Variants in COG5 observed in about 807,000 individuals in gnomAD.
The protein encoded by COG5 is conserved oligomeric Golgi complex subunit 5.
Under a neutral mutation model 110.4 loss-of-function variants are expected in COG5, and 86 were observed. The ratio of observed to expected loss-of-function variants is 0.78; its 90% confidence interval spans 0.65 to 0.93. The LOEUF (loss-of-function observed/expected upper bound fraction) is 0.93. Ranked by LOEUF, COG5 falls within the 40% of genes least tolerant of loss-of-function variation. The pLI is 0.00. For synonymous variants in COG5, 360 were observed against 334.6 expected (o/e 1.08, Z -0.83); for missense variants, 1,077 against 987.0 (o/e 1.09, Z -1.22).
At chr7:107,248,203 G>A (rs1802196002) in intron 17 of COG5, among the ~76,000 whole-genome samples, 193 bp downstream of exon 17, 1 of 151,990 alleles carries the variant, frequency 6.6e-6, no homozygotes, top group African/African-American at 2.4e-5. Context: ...GAGAAGTGAT[G>A]AAAACGAGAA....
At chr7:107,326,537 C>G (rs1334665430) in intron 10 of COG5, among the ~76,000 whole-genome samples, 3 of 152,022 alleles carry the variant, frequency 2.0e-5, no homozygotes, top group African/African-American at 7.2e-5. Flanking sequence ...ATGAAGAAAA[C>G]TACCCTACTT....
At chr7:107,479,715 G>C (rs1305836616) in intron 6 of COG5, among the ~76,000 whole-genome samples, 6 of 152,064 alleles carry the variant, frequency 3.9e-5, no homozygotes, top group Admixed American at 6.6e-5. Flanking sequence ...AGAATATCTG[G>C]CAAGGCGGAA....
intron 11 of COG5, among the ~76,000 whole-genome samples, chr7:107,315,602 C>T (rs1025649839): frequency 2.0e-5 from 3 of 150,914 alleles, no homozygotes; most frequent in Admixed American, 6.6e-5. Context: ...CATGTATAAT[C>T]AGAAAGAACA....
chr7:107,433,429 A>G (rs534161821), intron 6 of COG5, among the ~76,000 whole-genome samples: 4 of 152,218 alleles, frequency 2.6e-5, no homozygotes, highest in Non-Finnish European at 4.4e-5. Context: ...GCTTCAAAAC[A>G]TATTACAAAG....
At chr7:107,461,913 C>T (rs1268914622) in intron 6 of COG5, among the ~76,000 whole-genome samples, 7 of 152,062 alleles carry the variant, frequency 4.6e-5, no homozygotes, top group Non-Finnish European at 1.0e-4. Flanking sequence ...GAGAAATATA[C>T]CATGTTTAAA....
At chr7:107,476,645 TC>T (rs943109286) in intron 6 of COG5, among the ~76,000 whole-genome samples, 1 of 151,726 alleles carries the variant, frequency 6.6e-6, no homozygotes, top group Admixed American at 6.6e-5. Context: ...AATGTAATAA[TC>T]TATCGATAAG....
intron 17 of COG5, among the ~76,000 whole-genome samples, chr7:107,238,050 G>T (rs1458288032): frequency 2.6e-5 from 4 of 152,100 alleles, no homozygotes; most frequent in Non-Finnish European, 5.9e-5. Flanking sequence ...TATGTATACA[G>T]TGTGGAATGA....
chr7:107,497,599 C>T (rs1798360878), intron 6 of COG5, among the ~76,000 whole-genome samples: 1 of 151,992 alleles, frequency 6.6e-6, no homozygotes, highest in Non-Finnish European at 1.5e-5. Flanking sequence ...AAGTGAAAGA[C>T]CTGTATATTC....
intron 14 of COG5, among the ~76,000 whole-genome samples, chr7:107,263,298 T>C (rs1291840809): frequency 6.6e-6 from 1 of 152,210 alleles, no homozygotes; most frequent in Non-Finnish European, 1.5e-5. Flanking sequence ...CATCTCAAAG[T>C]AGAAGATGCT....
intron 21 of COG5, among the ~76,000 whole-genome samples, chr7:107,206,715 C>T (rs890375556): frequency 1.3e-5 from 2 of 151,036 alleles, no homozygotes; most frequent in Admixed American, 6.6e-5. Flanking sequence ...TAAGACATCA[C>T]GTAAGTTACA....
chr7:107,229,858 G>GA (rs1330049630), intron 19 of COG5, among the ~76,000 whole-genome samples: 5 of 86,190 alleles, frequency 5.8e-5, no homozygotes, highest in Admixed American at 5.5e-4. Flanking sequence ...TTTTTTTTTT[G>GA]TTTTTTTTTT....
intron 12 of COG5, among the ~76,000 whole-genome samples, chr7:107,287,640 T>C (rs1164919529): frequency 6.6e-6 from 1 of 152,186 alleles, no homozygotes; most frequent in Non-Finnish European, 1.5e-5. Flanking sequence ...ACACTCCACC[T>C]TCCTCACTCC....
intron 16 of COG5, among the ~76,000 whole-genome samples, chr7:107,250,472 C>G (rs1802419196): frequency 6.6e-6 from 1 of 151,740 alleles, no homozygotes; most frequent in Non-Finnish European, 1.5e-5. Flanking sequence ...TGTTTCTACA[C>G]AACATAACAT....
intron 6 of COG5, among the ~76,000 whole-genome samples, chr7:107,437,208 A>G (rs1289921280): frequency 6.6e-6 from 1 of 152,218 alleles, no homozygotes; most frequent in Non-Finnish European, 1.5e-5. Context: ...GTAAGGCATT[A>G]TAACACATTG....
chr7:107,549,680 G>A (rs994861344), intron 3 of COG5, among the ~76,000 whole-genome samples: 2 of 151,826 alleles, frequency 1.3e-5, no homozygotes, highest in Non-Finnish European at 2.9e-5. Flanking sequence ...GGGATTACAG[G>A]CGTGAGCCAC....
chr7:107,220,946 T>G (rs1799881044), intron 19 of COG5, among the ~76,000 whole-genome samples: 1 of 151,818 alleles, frequency 6.6e-6, no homozygotes, highest in African/African-American at 2.4e-5. Context: ...GCTTCCCAAG[T>G]AGCTGATGAC....
intron 14 of COG5, among the ~76,000 whole-genome samples, chr7:107,279,669 TATG>T (rs762033727): frequency 1.3e-4 from 20 of 152,250 alleles, no homozygotes; most frequent in African/African-American, 4.6e-4. Context: ...AAATAAGGCA[TATG>T]ATGTTTTTTA....
chr7:107,217,907 A>G (rs943549007), intron 19 of COG5, among the ~76,000 whole-genome samples: 22 of 152,070 alleles, frequency 1.4e-4, no homozygotes, highest in African/African-American at 5.3e-4. Context: ...ACTCAAATAG[A>G]AAAGAAAGAC....
intron 1 of COG5, 89 bp from the exon 2 acceptor site, chr7:107,558,204 C>T (rs900972189): frequency 2.7e-5 from 36 of 1,347,654 alleles, no homozygotes; most frequent in Non-Finnish European, 3.6e-5. Context: ...TCATAATTAA[C>T]ATATTTTGAT....
Sources: allele counts gnomAD v4.1 joint callset (sites outside exome capture counted in the v4.1 genomes callset), GRCh38; gene constraint gnomAD v4.1.1; transcripts MANE v1.5; gene names NCBI Gene and HGNC (gene_info 2026-07-23, HGNC 2026-07-21).